XPO6: variants seen among roughly 807,000 people sequenced by gnomAD.
XPO6 encodes the protein exportin 6.
In XPO6, 3 loss-of-function variants were observed where a neutral mutation model predicts 130.0. The observed-to-expected ratio is 0.02, with a 90% CI of 0.01 to 0.06. XPO6 has a LOEUF of 0.06. Ranked by LOEUF, XPO6 falls within the 10% of genes least tolerant of loss-of-function variation. The pLI is 1.00. For synonymous variants in XPO6, 524 were observed against 548.9 expected, an observed-to-expected ratio of 0.95 and a Z score of 0.63; for missense variants, 970 against 1,393.0, an observed-to-expected ratio of 0.70 and a Z score of 4.83.
intron 12 of XPO6, among the ~76,000 whole-genome samples, chr16:28,131,906 G>T (rs2042677066): frequency 6.6e-6 from 1 of 152,160 alleles, no homozygotes; most frequent in Non-Finnish European, 1.5e-5. Context: ...AGAGCCCCTG[G>T]GGCCATTTGC....
intron 7 of XPO6, chr16:28,153,215 G>A (rs910593477): frequency 9.0e-5 from 89 of 993,550 alleles, no homozygotes; most frequent in South Asian, 3.1e-4. Context: ...ACCAGGCTAC[G>A]AAGGGCATGG....
At chr16:28,153,177 T>C (rs750206529) in intron 7 of XPO6, 18 of 1,017,942 alleles carry the variant, frequency 1.8e-5, no homozygotes, top group African/African-American at 5.2e-5. Context: ...AATACTAAAG[T>C]GAATGGTGCT....
chr16:28,176,458 A>G (rs1419819986), intron 3 of XPO6, among the ~76,000 whole-genome samples: 1 of 152,196 alleles, frequency 6.6e-6, no homozygotes, highest in Non-Finnish European at 1.5e-5. Flanking sequence ...AGTGGGGAAA[A>G]GTAGAATACA....
chr16:28,120,290 G>A (rs1596813255), intron 14 of XPO6, among the ~76,000 whole-genome samples: 1 of 152,018 alleles, frequency 6.6e-6, no homozygotes, highest in Non-Finnish European at 1.5e-5. Context: ...GTGCTTATTC[G>A]CCTGTTTTTC....
At chr16:28,136,160 CT>C (rs1236589965) in intron 9 of XPO6, among the ~76,000 whole-genome samples, 4 of 152,300 alleles carry the variant, frequency 2.6e-5, no homozygotes, top group African/African-American at 7.2e-5. Context: ...CTAGGGCCCC[CT>C]AATTCAAAAT....
chr16:28,188,980 A>G (rs915367844), intron 1 of XPO6, among the ~76,000 whole-genome samples: 1 of 151,970 alleles, frequency 6.6e-6, no homozygotes, highest in African/African-American at 2.4e-5. Flanking sequence ...TGTTTTCTGG[A>G]GGCACAGGTC....
Position 28,124,019 on chromosome 16 carries a change from A to G in XPO6, c.1766+1670T>C, listed in dbSNP as rs188180560. ...TCAAATGATTCAGGATCTTTGAGAC[A>G]TCATCTCACTACAAAGTTGAGATGA... On this transcript the variant is annotated intron_variant, in intron 13 of 23. Transcript: ENST00000304658. Among the ~76,000 whole-genome samples the G allele has an allele frequency of 3.6e-3, 552 of 152,078 alleles. 4 individuals are homozygous for G. Among genetic ancestry groups the G allele is most frequent in the African/African-American group, 0.013 (545 of 41,478 alleles).
intron 1 of XPO6, among the ~76,000 whole-genome samples, chr16:28,188,671 C>A (rs1206466984): frequency 3.0e-5 from 2 of 65,662 alleles, no homozygotes; most frequent in African/African-American, 5.7e-5. Flanking sequence ...TTCACCACTG[C>A]AAAAAAAAAA....
chr16:28,126,116 A>C lies in XPO6; in HGVS notation c.1607-268T>G, dbSNP rs375946836. ...GCCTGGAGTGTGCTAACGTGGAGGG[A>C]GCCCCTGATCTGATTCCTTTTGACC... On this transcript the variant is annotated intron_variant, in intron 12 of 23. Transcript: ENST00000304658. Among the ~76,000 whole-genome samples the C allele has an allele frequency of 1.2e-4, 18 of 152,270 alleles. 1 individual carries two copies. The South Asian group carries it at 3.7e-3, about 32-fold the overall frequency.
intron 17 of XPO6, 68 bp from the exon 18 acceptor site, chr16:28,107,745 G>A: frequency 6.4e-7 from 1 of 1,567,578 alleles, no homozygotes; most frequent in East Asian, 2.3e-5. Flanking sequence ...GGAGACACAA[G>A]GGAGAGGGAG....
intron 13 of XPO6, among the ~76,000 whole-genome samples, chr16:28,124,203 G>A (rs777234914): frequency 4.6e-5 from 7 of 151,910 alleles, no homozygotes; most frequent in African/African-American, 1.2e-4. Flanking sequence ...GATTACAGGC[G>A]CATGTCCCCA....
intron 15 of XPO6, among the ~76,000 whole-genome samples, chr16:28,116,441 G>A (rs557735260): frequency 4.4e-4 from 64 of 146,610 alleles, no homozygotes; most frequent in African/African-American, 1.4e-3. Flanking sequence ...CAGCCCGGGC[G>A]ACAGAGCGAG....
intron 1 of XPO6, among the ~76,000 whole-genome samples, chr16:28,197,302 T>TA (rs1236576363): frequency 2.0e-5 from 3 of 152,110 alleles, no homozygotes; most frequent in Admixed American, 1.3e-4. Context: ...GTAACTAACT[T>TA]ACGACTGGAA....
chr16:28,203,541 A>T (rs2043983618), intron 1 of XPO6, among the ~76,000 whole-genome samples: 1 of 152,180 alleles, frequency 6.6e-6, no homozygotes, highest in Admixed American at 6.6e-5. Flanking sequence ...TCACCTACCT[A>T]CAGAGATAGC....
chr16:28,178,485 C>A (rs2043565943), intron 2 of XPO6, among the ~76,000 whole-genome samples: 1 of 151,632 alleles, frequency 6.6e-6, no homozygotes, highest in African/African-American at 2.4e-5. Context: ...AGGAGGAGAC[C>A]TTGCTCTGTT....
chr16:28,155,971 A>C, intron 7 of XPO6, 103 bp downstream of exon 7: 1 of 1,483,554 alleles, frequency 6.7e-7, no homozygotes, highest in South Asian at 1.4e-5. Context: ...CAGGAGCCCC[A>C]TATTCTGAAA....
chr16:28,132,192 CCT>C lies in XPO6; in HGVS notation c.1606+140_1606+141del. ...TCATCATAAGCCTTTAAAAACGTTC[CCT>C]GTTTCGAAGTGGGGAGAGATGCCAG... On this transcript the variant is annotated intron_variant, in intron 12 of 23. Transcript: ENST00000304658. This position sits in a 1 kb window ranked among gnomAD's most constrained non-coding sequence, Gnocchi z 4.0. The C allele has an allele frequency of 4.5e-6, 3 of 672,710 alleles. No individual in the cohort carries two copies. Among genetic ancestry groups the C allele is most frequent in the Non-Finnish European group, 5.2e-6 (2 of 383,362 alleles). The allele number at this position is 672,710 out of a possible 1,614,324, so 41.7% of individuals were successfully genotyped here. A position where few individuals can be genotyped will look rare whatever the true frequency, so the allele number is the denominator to read the frequency against.
chr16:28,153,530 T>C (rs1567625846), intron 7 of XPO6: 1 of 985,268 alleles, frequency 1.0e-6, no homozygotes, highest in East Asian at 1.1e-4. Flanking sequence ...CCCAACTCAT[T>C]TGTATTCACA....
intron 5 of XPO6, among the ~76,000 whole-genome samples, chr16:28,167,528 G>A (rs929328855): frequency 1.3e-5 from 2 of 152,090 alleles, no homozygotes; most frequent in Admixed American, 1.3e-4. Flanking sequence ...CAGACTAAAT[G>A]CCACCTGTCT....
Sources: allele counts gnomAD v4.1 joint callset (sites outside exome capture counted in the v4.1 genomes callset), GRCh38; gene constraint gnomAD v4.1.1; non-coding constraint Gnocchi (gnomAD v3.1); transcripts MANE v1.5; gene names NCBI Gene and HGNC (gene_info 2026-07-23, HGNC 2026-07-21).